The following HDAC4 variants were observed in gnomAD, a reference collection of about 807,000 sequenced individuals.
HDAC4 encodes histone deacetylase A.
A neutral mutation model predicts 135.1 loss-of-function variants in HDAC4; 16 were observed. The ratio of observed to expected loss-of-function variants is 0.12; its 90% CI spans 0.08 to 0.18. HDAC4 has a LOEUF of 0.18. Ranked by LOEUF, HDAC4 falls within the 10% of genes least tolerant of loss-of-function variation. HDAC4 has a pLI of 1.00. For synonymous variants in HDAC4, 685 were observed against 653.4 expected (o/e 1.05, Z -0.74); for missense variants, 1,143 against 1,511.8 (o/e 0.76, Z 4.05).
chr2:239,053,724 C>A, intron 25 of HDAC4, 123 bp from the exon 26 acceptor site: 1 of 790,468 alleles, frequency 1.3e-6, no homozygotes, highest in Non-Finnish European at 2.0e-6. Context: ...ATTTTAAAAG[C>A]ACCCGTCTTT....
intron 4 of HDAC4, among the ~76,000 whole-genome samples, chr2:239,184,993 G>C (rs562163106): frequency 1.8e-4 from 27 of 148,162 alleles, no homozygotes; most frequent in South Asian, 1.1e-3. Context: ...CTATCATGGA[G>C]GGCTATCCCT....
rs567813777 is a variant in HDAC4, at chr2:239,349,500, C to T, written c.22+3178G>A. Among the ~76,000 whole-genome samples the T allele has an allele frequency of 2.6e-5, 4 of 152,344 alleles. No individual in the cohort carries two copies. In the South Asian group the frequency reaches 8.3e-4, roughly 32 times the overall value. ...GCGGACGGACAGGTGCATCAGCTGA[C>T]AAGAAACACAGAGGAACTTCCCGAA... is the stretch of plus-strand genomic sequence containing the variant. On this transcript the variant is annotated intron_variant, in intron 2 of 26. Transcript: ENST00000543185. This position sits in a 1 kb window ranked among gnomAD's most constrained non-coding sequence, Gnocchi z 5.7.
chr2:239,395,445 C>T (rs1446100405), intron 1 of HDAC4, among the ~76,000 whole-genome samples: 1 of 152,156 alleles, frequency 6.6e-6, no homozygotes, highest in Admixed American at 6.5e-5. Context: ...AAAACAAATG[C>T]CCCTAAATTC....
At chr2:239,334,418 G>A (rs919653305) in intron 2 of HDAC4, among the ~76,000 whole-genome samples, 8 of 152,120 alleles carry the variant, frequency 5.3e-5, no homozygotes, top group African/African-American at 1.7e-4. Context: ...GTACTCAGGA[G>A]GCTAAGGCAC....
At chr2:239,076,078 G>A (rs533400476) in intron 22 of HDAC4, among the ~76,000 whole-genome samples, 153 of 150,946 alleles carry the variant, frequency 1.0e-3, no homozygotes, top group African/African-American at 3.6e-3. Flanking sequence ...AGTAGCAGGC[G>A]GGTGCCAGCC....
intron 9 of HDAC4, among the ~76,000 whole-genome samples, chr2:239,135,782 G>A (rs1473939425): frequency 2.0e-5 from 3 of 152,176 alleles, no homozygotes; most frequent in African/African-American, 4.8e-5. Flanking sequence ...CAGAACGGAG[G>A]GGCATTGCAC....
intron 22 of HDAC4, among the ~76,000 whole-genome samples, chr2:239,075,291 C>T (rs944774428): frequency 3.3e-5 from 5 of 149,256 alleles, no homozygotes; most frequent in African/African-American, 7.4e-5. Flanking sequence ...AGATGTTTGC[C>T]GTGGGCCTCT....
intron 1 of HDAC4, among the ~76,000 whole-genome samples, chr2:239,357,846 G>A (rs567576048): frequency 5.5e-5 from 7 of 128,040 alleles, no homozygotes; most frequent in South Asian, 5.0e-4. Flanking sequence ...CCAAAATCAC[G>A]CCACTGTACC....
chr2:239,159,382 CT>C (rs2042638814), intron 6 of HDAC4, among the ~76,000 whole-genome samples: 1 of 150,490 alleles, frequency 6.6e-6, no homozygotes, highest in Non-Finnish European at 1.5e-5. Context: ...CCACACCCCC[CT>C]CACAACCTAT....
chr2:239,108,013 A>G (rs1395439676), intron 15 of HDAC4, 37 bp downstream of exon 15: 15 of 1,609,754 alleles, frequency 9.3e-6, no homozygotes, highest in Non-Finnish European at 1.3e-5. Context: ...AATGGTGCCC[A>G]AAGCCGCAGC....
chr2:239,084,282 G>A (rs1438696788), intron 19 of HDAC4, 40 bp from the exon 20 acceptor site: 4 of 1,477,864 alleles, frequency 2.7e-6, no homozygotes, highest in South Asian at 2.3e-5. Flanking sequence ...AGCGCAGGTG[G>A]GCGGTGGCCA....
intron 1 of HDAC4, among the ~76,000 whole-genome samples, chr2:239,382,719 C>A (rs1470039187): frequency 2.0e-5 from 2 of 101,166 alleles, no homozygotes; most frequent in Non-Finnish European, 4.6e-5. Flanking sequence ...ACAGCTTACA[C>A]TTTCTTTTTC....
chr2:239,372,483 C>T (rs1272769603), intron 1 of HDAC4, among the ~76,000 whole-genome samples: 2 of 152,354 alleles, frequency 1.3e-5, no homozygotes, highest in East Asian at 1.9e-4. Context: ...TGGGCTCCCG[C>T]GCACACACGC....
intron 16 of HDAC4, among the ~76,000 whole-genome samples, chr2:239,099,491 G>A (rs1004957776): frequency 2.6e-5 from 4 of 152,190 alleles, no homozygotes; most frequent in African/African-American, 9.7e-5. Context: ...TGGAGAACCC[G>A]GCCAGAAGCT....
At chr2:239,259,881 G>C (rs1013475953) in intron 2 of HDAC4, among the ~76,000 whole-genome samples, 1 of 152,206 alleles carries the variant, frequency 6.6e-6, no homozygotes, top group Non-Finnish European at 1.5e-5. Flanking sequence ...TGGGGCAGGA[G>C]AGGAAGAGAG....
At chr2:239,368,981 G>A (rs1694414624) in intron 1 of HDAC4, among the ~76,000 whole-genome samples, 1 of 152,136 alleles carries the variant, frequency 6.6e-6, no homozygotes, top group South Asian at 2.1e-4. Context: ...CACCTGGGGG[G>A]AGGTGAATGC....
intron 2 of HDAC4, among the ~76,000 whole-genome samples, chr2:239,319,847 T>TAAA: frequency 6.6e-6 from 1 of 152,144 alleles, no homozygotes; most frequent in East Asian, 1.9e-4. Flanking sequence ...TTCAAAAACA[T>TAAA]AAAACTAAAA....
chr2:239,053,830 TC>T (rs751689509), intron 25 of HDAC4, among the ~76,000 whole-genome samples: 9 of 152,164 alleles, frequency 5.9e-5, no homozygotes, highest in Non-Finnish European at 1.2e-4. Flanking sequence ...CTCGAGTCCC[TC>T]CAGGAGCAGG....
chr2:239,372,492 G>A (rs1336633229), intron 1 of HDAC4, among the ~76,000 whole-genome samples: 8 of 152,130 alleles, frequency 5.3e-5, no homozygotes, highest in Admixed American at 2.0e-4. Flanking sequence ...GCGCACACAC[G>A]CGCGCACACA....
Sources: allele counts gnomAD v4.1 joint callset (sites outside exome capture counted in the v4.1 genomes callset), GRCh38; gene constraint gnomAD v4.1.1; non-coding constraint Gnocchi (gnomAD v3.1); transcripts MANE v1.5; gene names NCBI Gene and HGNC (gene_info 2026-07-23, HGNC 2026-07-21).